The following SRCAP variants were observed in gnomAD, a reference collection of about 807,000 sequenced individuals.
SRCAP encodes Snf2 related CREBBP activator protein.
A neutral mutation model predicts 263.1 loss-of-function variants in SRCAP; 46 were observed. The observed-to-expected ratio is 0.17, with a 90% confidence interval of 0.14 to 0.22. SRCAP has a LOEUF of 0.22. Among genes scored for constraint, SRCAP ranks in the 10% least tolerant of loss-of-function variants. The pLI, the probability that SRCAP is intolerant of heterozygous loss-of-function variation, is 1.00. For missense variants in SRCAP, 3,695 were observed against 4,181.9 expected, an observed-to-expected ratio of 0.88 and a Z score of 3.21; for synonymous variants, 1,813 against 1,662.1, an observed-to-expected ratio of 1.09 and a Z score of -2.21.
chr16:30,713,397 T>C lies in SRCAP; in HGVS notation c.2300+20T>C, dbSNP rs770348176. On this transcript the variant is annotated intron_variant, in intron 15 of 33. Coordinates refer to ENST00000262518, the MANE Select transcript of SRCAP (RefSeq NM_006662.3). ...CAACAGGTGGAGATGGAGATGGGGA[T>C]TCATGGGAGGGTTGACTTGGCTAGA... 1 of 1,613,776 alleles carries C rather than the reference T, an allele frequency of 6.2e-7. No homozygotes were observed.
chr16:30,703,740 C>G (rs2052794768), intron 3 of SRCAP, among the ~76,000 whole-genome samples: 1 of 151,390 alleles, frequency 6.6e-6, no homozygotes, highest in East Asian at 2.0e-4. Flanking sequence ...ACTAAAAATA[C>G]AAAAAAATTA....
At position 30,712,309 on chromosome 16, in the gene SRCAP, C is replaced by T. The variant is rs760207893; in HGVS notation, c.1863C>T (p.Tyr621=). ...PLLLRGQLRE[Y]QHIGLDWLVT... ...TTCTGCGGGGCCAGCTCCGGGAGTACCAGCACATTGGGCTAGACTGGCTGG... is the reference window on the plus strand; with the variant it reads ...TTCTGCGGGGCCAGCTCCGGGAGTATCAGCACATTGGGCTAGACTGGCTGG... The change falls in exon 13 of 34, where the codon TAC becomes TAT. Residue 621 remains tyrosine (Y), a synonymous_variant. Coordinates refer to ENST00000262518, the MANE Select transcript of SRCAP (RefSeq NM_006662.3). The T allele has an allele frequency of 2.1e-5, 34 of 1,608,000 alleles. No individual in the cohort carries two copies. The highest frequency in any genetic ancestry group is 5.1e-6 in the Non-Finnish European group (6 of 1,177,742).
intron 16 of SRCAP, 126 bp from the exon 17 acceptor site, chr16:30,715,940 T>G (rs1308088578): frequency 8.1e-7 from 1 of 1,241,734 alleles, no homozygotes; most frequent in African/African-American, 1.5e-5. Context: ...TGCAGTTGAC[T>G]CATCTTTGTG....
In SRCAP at chr16:30,737,204, T is replaced by C. The variant is rs1032095488; in HGVS notation, c.7164T>C (p.Pro2388=). The C allele has an allele frequency of 1.2e-6, 2 of 1,613,916 alleles. No homozygotes were observed. Among genetic ancestry groups the C allele is most frequent in the Non-Finnish European group, 1.7e-6 (2 of 1,180,000 alleles). The part of the protein sequence containing the change: ...THRRSKKAKA[P]ERPGTRVSER... ...GGCGCAGTAAAAAGGCCAAAGCCCC[T>C]GAGAGGCCGGGGACTCGTGTCAGTG... The change falls in exon 34 of 34, where the codon CCT becomes CCC. Residue 2388 remains proline, a synonymous_variant. Coordinates refer to ENST00000262518, the MANE Select transcript of SRCAP (RefSeq NM_006662.3).
chr16:30,735,440 C>T (rs981646727), intron 31 of SRCAP, among the ~76,000 whole-genome samples: 1 of 151,866 alleles, frequency 6.6e-6, no homozygotes, highest in Admixed American at 6.6e-5. Context: ...GCCACCGCGC[C>T]CGGCCACAAA....
In SRCAP at chr16:30,736,605, A is replaced by C; in HGVS notation, c.6989A>C (p.Glu2330Ala). The C allele has an allele frequency of 1.2e-6, 2 of 1,614,200 alleles. No individual in the cohort carries two copies. The highest frequency in any genetic ancestry group is 2.2e-5 in the South Asian group (2 of 91,088). Residue 2330 changes from glutamate (E) to alanine (A), a missense_variant, in exon 33 of 34, where the codon GAG becomes GCG. Physicochemically the swap from Glu to Ala is moderately radical, Grantham distance 107. Transcript: ENST00000262518. ...GCCTCACTGGAGGAGGTGAGCCGAG[A>C]GGAGCTCAAACAGGCAGAAGTGAGT... ...LEASLEEVSR[E>A]ELKQAEEQVE... is the part of the protein sequence containing the mutation.
At chr16:30,728,471 C>G (rs1198010585) in intron 25 of SRCAP, among the ~76,000 whole-genome samples, 1 of 152,186 alleles carries the variant, frequency 6.6e-6, no homozygotes, top group African/African-American at 2.4e-5. Context: ...TGATGAGACT[C>G]GGATGTCCGG....
chr16:30,722,418 T>G, intron 22 of SRCAP, 132 bp downstream of exon 22: 4 of 1,503,940 alleles, frequency 2.7e-6, no homozygotes, highest in Non-Finnish European at 2.7e-6. Flanking sequence ...CGGGCATGGT[T>G]GGAGGGATCT....
rs749041891 is a variant in SRCAP, at chr16:30,709,967, C to T, written c.973C>T (p.Arg325Cys). 1.9e-5 allele frequency: 30 copies of T among 1,614,210 alleles called. No homozygotes were observed. Among genetic ancestry groups the T allele is most frequent in the Admixed American group, 3.3e-5 (2 of 60,022 alleles). ...EAQRREIELLRREGELPLEEL... is the reference protein window; with the variant it reads ...EAQRREIELLCREGELPLEEL... Reference sequence around the variant, plus strand: ...CCAGAGGCGTGAGATTGAGCTGCTTCGCCGTGAGGGAGAATTGCCACTGGA... The same window carrying T: ...CCAGAGGCGTGAGATTGAGCTGCTTTGCCGTGAGGGAGAATTGCCACTGGA... The change falls in exon 8 of 34, where the codon CGC becomes TGC. Residue 325 changes from arginine (R) to cysteine (C), a missense_variant. Physicochemically the swap from Arg to Cys is radical, Grantham distance 180 (BLOSUM62 -3). Around this residue, in one of 12 missense-constraint regions of SRCAP, gnomAD observed 30 missense variants for 54.1 expected, o/e 0.55. Transcript: ENST00000262518.
At position 30,720,794 on chromosome 16, in the gene SRCAP, A is replaced by T. The variant is rs1470259125; in HGVS notation, c.3069A>T (p.Pro1023=). Residue 1023 remains proline (P), a synonymous_variant, in exon 20 of 34, where the codon CCA becomes CCT. Transcript: ENST00000262518. The stretch of plus-strand genomic sequence containing the variant: ...CACGGGCGCCCCTGGGCCCTGTCCC[A>T]GTTCGACCTCCTCCAGGTCCTGAGC... ...NNPRAPLGPV[P]VRPPPGPELS... 3 of 1,614,110 alleles carry T rather than the reference A, an allele frequency of 1.9e-6. No individual in the cohort carries two copies. Among genetic ancestry groups the T allele is most frequent in the Non-Finnish European group, 1.7e-6 (2 of 1,180,016 alleles).
chr16:30,724,155 T>G lies in SRCAP; in HGVS notation c.4731T>G (p.Ser1577=). The change falls in exon 25 of 34, where the codon TCT becomes TCG. Residue 1577 remains serine (S), a synonymous_variant. Transcript: ENST00000262518. ...PAQASLLAPA[S]SASQALATPL... Reference sequence around the variant, plus strand: ...AGGCTTCCCTTCTGGCTCCAGCATCTTCTGCATCTCAGGCTCTAGCCACCC... The same window carrying G: ...AGGCTTCCCTTCTGGCTCCAGCATCGTCTGCATCTCAGGCTCTAGCCACCC... 1.9e-6 allele frequency: 3 copies of G among 1,614,022 alleles called. No individual in the cohort carries two copies. The highest frequency in any genetic ancestry group is 1.7e-6 in the Non-Finnish European group (2 of 1,179,990).
chr16:30,710,044 C>T lies in SRCAP; in HGVS notation c.1050C>T (p.Pro350=), dbSNP rs2151287551. 6.2e-7 allele frequency: 1 copy of T among 1,614,166 alleles called. No homozygotes were observed. The highest frequency in any genetic ancestry group is 8.5e-7 in the Non-Finnish European group (1 of 1,180,028). The change falls in exon 8 of 34, where the codon CCC becomes CCT. Residue 350 remains proline (P), a synonymous_variant. Coordinates refer to ENST00000262518, the MANE Select transcript of SRCAP (RefSeq NM_006662.3). ...AGCTGTTGGAAGGGCCTTCCAGCCC[C>T]TCTCAAACCCCCTCATCTCATGATA... ...PPQLLEGPSS[P]SQTPSSHDSD...
chr16:30,716,261 G>C (rs1194265947), intron 17 of SRCAP, 32 bp from the exon 18 acceptor site: 24 of 1,613,244 alleles, frequency 1.5e-5, no homozygotes, highest in Non-Finnish European at 2.0e-5. Flanking sequence ...GTGGCTGTTA[G>C]GACGTCTCAT....
chr16:30,723,642 C>A lies in SRCAP; in HGVS notation c.4218C>A (p.Ser1406=), dbSNP rs4889502. 1 allele frequency: 1,607,146 copies of A among 1,612,930 alleles called. 800,866 individuals carry two copies. Among genetic ancestry groups the A allele is most frequent in the East Asian group, 1 (44,808 of 44,808 alleles). The change falls in exon 25 of 34, where the codon TCC becomes TCA. Residue 1406 remains serine, a synonymous_variant. Coordinates refer to ENST00000262518, the MANE Select transcript of SRCAP (RefSeq NM_006662.3). ...CTTCTCCTCTCCACGTGCCATCCTCCCTCCCTGGGCCAGCCTCTTCTCCAA... is the reference window on the plus strand; with the variant it reads ...CTTCTCCTCTCCACGTGCCATCCTCACTCCCTGGGCCAGCCTCTTCTCCAA... ...TISSPLHVPS[S]LPGPASSPMP... is the part of the protein sequence containing the mutation.
At chr16:30,728,148 C>T (rs1348905068) in intron 25 of SRCAP, among the ~76,000 whole-genome samples, 1 of 152,188 alleles carries the variant, frequency 6.6e-6, no homozygotes, top group Non-Finnish European at 1.5e-5. Context: ...GAACACTCCT[C>T]TTTTCACAAC....
intron 6 of SRCAP, 104 bp from the exon 7 acceptor site, chr16:30,709,409 G>T (rs2052864192): frequency 8.1e-7 from 1 of 1,233,688 alleles, no homozygotes; most frequent in South Asian, 1.3e-5. Flanking sequence ...TTTCCTAAGA[G>T]GCCAGCCCAG....
intron 31 of SRCAP, among the ~76,000 whole-genome samples, chr16:30,735,913 G>C (rs753804479): frequency 6.7e-6 from 1 of 149,050 alleles, no homozygotes; most frequent in Non-Finnish European, 1.5e-5. Context: ...TTTCTGTGGT[G>C]GCTTTTTTTT....
chr16:30,723,328 C>T, intron 24 of SRCAP, 99 bp downstream of exon 24: 2 of 1,482,038 alleles, frequency 1.3e-6, no homozygotes, highest in East Asian at 2.3e-5. Flanking sequence ...TTTTTCATAT[C>T]AGCGTACTGC....
At chr16:30,727,799 G>C (rs988862305) in intron 25 of SRCAP, among the ~76,000 whole-genome samples, 6 of 152,038 alleles carry the variant, frequency 3.9e-5, no homozygotes, top group Non-Finnish European at 8.8e-5. Flanking sequence ...TGATCTGCCC[G>C]CCTCGGCCTC....
Sources: allele counts gnomAD v4.1 joint callset (sites outside exome capture counted in the v4.1 genomes callset), GRCh38; gene constraint gnomAD v4.1.1; regional missense constraint gnomAD v4.1.1; transcripts MANE v1.5; gene names NCBI Gene and HGNC (gene_info 2026-07-23, HGNC 2026-07-21).